GRM5: variants seen among roughly 807,000 people sequenced by gnomAD.
GRM5 encodes the protein glutamate metabotropic receptor 5, also known as metabotropic glutamate receptor 5.
A neutral mutation model predicts 83.1 loss-of-function variants in GRM5; 19 were observed. The ratio of observed to expected loss-of-function variants is 0.23; its 90% CI spans 0.16 to 0.34. GRM5 has a LOEUF of 0.34. Ranked by LOEUF, GRM5 falls within the 10% of genes least tolerant of loss-of-function variation. GRM5 has a pLI of 1.00. For synonymous variants in GRM5, 675 were observed against 633.6 expected (o/e 1.07, Z -0.98); for missense variants, 1,160 against 1,588.3 (o/e 0.73, Z 4.58).
At chr11:88,803,485 G>A (rs1236387709) in intron 3 of GRM5, among the ~76,000 whole-genome samples, 1 of 151,868 alleles carries the variant, frequency 6.6e-6, no homozygotes, top group African/African-American at 2.4e-5. Context: ...CTAGCCATAT[G>A]TAGAAAGCTG....
At chr11:88,983,507 T>C (rs1939593570) in intron 2 of GRM5, among the ~76,000 whole-genome samples, 1 of 152,324 alleles carries the variant, frequency 6.6e-6, no homozygotes, top group African/African-American at 2.4e-5. Flanking sequence ...ACCTCATCAC[T>C]GGTGTTTGTG....
chr11:89,058,053 C>G (rs1359107098), intron 1 of GRM5, among the ~76,000 whole-genome samples: 2 of 152,006 alleles, frequency 1.3e-5, no homozygotes, highest in Non-Finnish European at 2.9e-5. Flanking sequence ...AAAGCCCAAA[C>G]TTAATAAACA....
chr11:88,972,549 G>T (rs59181051), intron 2 of GRM5, among the ~76,000 whole-genome samples: 2,101 of 152,186 alleles, frequency 0.014, 65 homozygotes, highest in African/African-American at 0.048. Context: ...TGGGGGTGGT[G>T]CTGGAATTGG....
chr11:88,588,460 A>G (rs912429516), intron 7 of GRM5, among the ~76,000 whole-genome samples: 1 of 152,154 alleles, frequency 6.6e-6, no homozygotes, highest in African/African-American at 2.4e-5. Flanking sequence ...TGTGGCATAA[A>G]TCTAGGGGCA....
intron 9 of GRM5, among the ~76,000 whole-genome samples, chr11:88,514,796 G>A (rs1941478225): frequency 6.6e-6 from 1 of 152,142 alleles, no homozygotes; most frequent in Non-Finnish European, 1.5e-5. Flanking sequence ...AGGCCTTAAA[G>A]CTTGGGGATG....
chr11:88,710,292 A>C (rs1309306912), intron 3 of GRM5, among the ~76,000 whole-genome samples: 1 of 152,114 alleles, frequency 6.6e-6, no homozygotes, highest in East Asian at 1.9e-4. Context: ...GTCTAGAAAA[A>C]AATAGTCTCC....
intron 7 of GRM5, among the ~76,000 whole-genome samples, chr11:88,582,658 A>T (rs943597014): frequency 1.3e-5 from 2 of 152,214 alleles, no homozygotes; most frequent in Admixed American, 1.3e-4. Flanking sequence ...AATTTCCTCT[A>T]AAGAATCATA....
intron 2 of GRM5, among the ~76,000 whole-genome samples, chr11:88,997,712 C>A (rs1286775838): frequency 6.6e-6 from 1 of 152,016 alleles, no homozygotes; most frequent in Non-Finnish European, 1.5e-5. Context: ...GGAAATTAAT[C>A]AATTCCATGA....
At chr11:88,746,268 G>T (rs897880423) in intron 3 of GRM5, among the ~76,000 whole-genome samples, 2 of 151,306 alleles carry the variant, frequency 1.3e-5, no homozygotes, top group Non-Finnish European at 1.5e-5. Flanking sequence ...CATTTTTTTT[G>T]TGTGTTTCCT....
intron 2 of GRM5, among the ~76,000 whole-genome samples, chr11:88,995,439 G>C (rs1039041861): frequency 6.6e-6 from 1 of 151,244 alleles, no homozygotes; most frequent in Non-Finnish European, 1.5e-5. Context: ...CAGCTACTAG[G>C]GAGGCCGAGG....
chr11:88,593,762 T>TTC (rs113152007), intron 6 of GRM5, among the ~76,000 whole-genome samples: 5,567 of 89,904 alleles, frequency 0.062, 163 homozygotes, highest in African/African-American at 0.085. Flanking sequence ...CCCTCCCTCC[T>TTC]TCTCTCTCTC....
At chr11:88,684,948 A>G (rs1940582433) in intron 3 of GRM5, among the ~76,000 whole-genome samples, 1 of 152,348 alleles carries the variant, frequency 6.6e-6, no homozygotes, top group African/African-American at 2.4e-5. Flanking sequence ...TATTAGCAGC[A>G]TGAAAACAGA....
chr11:88,551,821 A>G (rs775546624), intron 8 of GRM5, among the ~76,000 whole-genome samples: 13 of 152,148 alleles, frequency 8.5e-5, no homozygotes, highest in Non-Finnish European at 1.3e-4. Context: ...TCACCAATCA[A>G]TGGAAGATCA....
chr11:88,986,727 C>CTTTTTT (rs60281684), intron 2 of GRM5, among the ~76,000 whole-genome samples: 8 of 93,108 alleles, frequency 8.6e-5, no homozygotes, highest in Admixed American at 1.4e-4. Context: ...TTTATTTTTG[C>CTTTTTT]TTTTTTTTTT....
intron 3 of GRM5, among the ~76,000 whole-genome samples, chr11:88,772,742 T>G (rs1942767213): frequency 6.6e-6 from 1 of 152,292 alleles, no homozygotes; most frequent in Admixed American, 6.5e-5. Context: ...GAATGATGGT[T>G]TCCAGCTTCA....
At position 88,816,538 on chromosome 11, in the gene GRM5, CA is replaced by C. The variant is rs777360398; in HGVS notation, c.911+33367del. ...TGGGCAACAGAGCAAGACTCCATCTCAAAAAAAAAAAAAAAAGAAAAGAAAA... is the reference window on the plus strand; with the variant it reads ...TGGGCAACAGAGCAAGACTCCATCTCAAAAAAAAAAAAAAAGAAAAGAAAA... On this transcript the variant is annotated intron_variant, in intron 3 of 9. Transcript: ENST00000305447. Among the ~76,000 whole-genome samples, 288 of 69,930 alleles carry C rather than the reference CA, an allele frequency of 4.1e-3. 1 individual carries two copies. The highest frequency in any genetic ancestry group is 0.028 in the East Asian group (74 of 2,674). The allele number at this position is 69,930 out of a possible 152,430, so 45.9% of individuals were successfully genotyped here.
chr11:88,718,712 G>A (rs528625875), intron 3 of GRM5, among the ~76,000 whole-genome samples: 1 of 151,708 alleles, frequency 6.6e-6, no homozygotes, highest in Non-Finnish European at 1.5e-5. Flanking sequence ...TTTTGATTTT[G>A]CTTCTATACC....
chr11:88,543,799 T>C (rs1942328152), intron 8 of GRM5, among the ~76,000 whole-genome samples: 1 of 152,126 alleles, frequency 6.6e-6, no homozygotes, highest in Non-Finnish European at 1.5e-5. Flanking sequence ...TGGTATTGTA[T>C]TCATTTTTAT....
Position 88,698,784 on chromosome 11 carries a change from T to TCG in GRM5, c.912-45382_912-45381insCG, listed in dbSNP as rs145073847. Among the ~76,000 whole-genome samples the TCG allele has an allele frequency of 4.1e-3, 621 of 152,302 alleles. 13 individuals carry two copies. The East Asian group carries it at 0.062, about 15-fold the overall frequency. ...ATGGTCAAATTTTCAGGTCTTGGCA[T>TCG]TGCTCCTGGTACAGAGAAGACATCC... On this transcript the variant is annotated intron_variant, in intron 3 of 9. Transcript: ENST00000305447.
Sources: allele counts gnomAD v4.1 joint callset (sites outside exome capture counted in the v4.1 genomes callset), GRCh38; gene constraint gnomAD v4.1.1; transcripts MANE v1.5; gene names NCBI Gene and HGNC (gene_info 2026-07-23, HGNC 2026-07-21).